The following FKBP9 variants were observed in gnomAD, a reference collection of about 807,000 sequenced individuals.
The protein encoded by FKBP9 is FKBP prolyl isomerase 9.
In FKBP9, 27 loss-of-function variants were observed where a neutral mutation model predicts 55.6. That is an observed-to-expected ratio of 0.49 (90% CI 0.36 to 0.67). FKBP9 has a LOEUF of 0.67. Among genes scored for constraint, FKBP9 ranks in the 30% least tolerant of loss-of-function variants. The pLI, the probability that FKBP9 is intolerant of heterozygous loss-of-function variation, is 0.00. For synonymous variants in FKBP9, 267 were observed against 296.5 expected, an observed-to-expected ratio of 0.90 and a Z score of 1.02; for missense variants, 539 against 742.8, an observed-to-expected ratio of 0.73 and a Z score of 3.19.
At chr7:32,958,687 C>T (rs1277726438) in intron 1 of FKBP9, among the ~76,000 whole-genome samples, 1 of 152,210 alleles carries the variant, frequency 6.6e-6, no homozygotes, top group Non-Finnish European at 1.5e-5. Flanking sequence ...CGACACCTCT[C>T]GTGGGCAGGA....
At chr7:32,980,718 C>T (rs1013297963) in intron 5 of FKBP9, among the ~76,000 whole-genome samples, 165 bp downstream of exon 5, 3 of 151,428 alleles carry the variant, frequency 2.0e-5, no homozygotes, top group African/African-American at 7.3e-5. Context: ...TCCTCCCTTC[C>T]TTCCTTCCTT....
intron 8 of FKBP9, 109 bp from the exon 9 acceptor site, chr7:33,002,567 A>G: frequency 2.7e-6 from 4 of 1,495,444 alleles, no homozygotes; most frequent in Non-Finnish European, 3.6e-6. Context: ...TGCTTTGGTC[A>G]GAAGTCCCAC....
At chr7:32,988,869 C>A in intron 6 of FKBP9, 1 of 512,208 alleles carries the variant, frequency 2.0e-6, no homozygotes, top group Non-Finnish European at 3.5e-6. Flanking sequence ...GCTGGCACTA[C>A]AGGCACGCAC....
intron 1 of FKBP9, among the ~76,000 whole-genome samples, chr7:32,962,632 C>T (rs1397133931): frequency 6.6e-6 from 1 of 151,754 alleles, no homozygotes; most frequent in East Asian, 2.0e-4. Context: ...CAACACCACA[C>T]CTGGCTAATT....
intron 5 of FKBP9, among the ~76,000 whole-genome samples, chr7:32,985,265 C>T (rs13309856): frequency 6.6e-6 from 1 of 151,434 alleles, no homozygotes; most frequent in African/African-American, 2.4e-5. Context: ...AACCTCTGCC[C>T]TCCAGGTTCA....
At chr7:32,989,328 A>G (rs1419284535) in intron 6 of FKBP9, among the ~76,000 whole-genome samples, 2 of 152,228 alleles carry the variant, frequency 1.3e-5, no homozygotes, top group Middle Eastern at 3.2e-3. Flanking sequence ...TAAAAGTTAC[A>G]CAAATCATAC....
At chr7:33,003,684 C>T (rs2953610) in intron 9 of FKBP9, among the ~76,000 whole-genome samples, 9 of 152,190 alleles carry the variant, frequency 5.9e-5, no homozygotes, top group East Asian at 1.9e-4. Context: ...CCCTACAGGA[C>T]GCATCTTTCT....
intron 7 of FKBP9, among the ~76,000 whole-genome samples, chr7:32,996,826 C>T (rs1476843275): frequency 1.9e-5 from 2 of 102,600 alleles, no homozygotes; most frequent in Admixed American, 3.3e-4. Flanking sequence ...CTCGCTCTGT[C>T]GCCCAGGCCG....
intron 1 of FKBP9, among the ~76,000 whole-genome samples, chr7:32,971,531 A>T (rs1784254173): frequency 6.6e-6 from 1 of 151,520 alleles, no homozygotes; most frequent in South Asian, 2.1e-4. Flanking sequence ...CCCAGGATGG[A>T]GTGCCAGGGT....
At chr7:32,995,838 T>C (rs1461657920) in intron 6 of FKBP9, among the ~76,000 whole-genome samples, 3 of 152,198 alleles carry the variant, frequency 2.0e-5, no homozygotes. Flanking sequence ...TCCTCATCTG[T>C]GATCAACTTA....
chr7:32,997,441 TC>T (rs1398815596), intron 7 of FKBP9, among the ~76,000 whole-genome samples: 1 of 152,070 alleles, frequency 6.6e-6, no homozygotes, highest in Non-Finnish European at 1.5e-5. Flanking sequence ...GGTCTCGAAC[TC>T]CTGACCTCAA....
intron 6 of FKBP9, chr7:32,993,115 C>G (rs1784716558): frequency 4.3e-6 from 1 of 232,486 alleles, no homozygotes; most frequent in Non-Finnish European, 8.5e-6. Flanking sequence ...TGGAGAAGGC[C>G]CTGCACCTGA....
chr7:32,978,768 G>A (rs1159526195), intron 4 of FKBP9, among the ~76,000 whole-genome samples: 1 of 152,138 alleles, frequency 6.6e-6, no homozygotes, highest in Admixed American at 6.5e-5. Flanking sequence ...AACCAGATGT[G>A]AGCCTAATAT....
chr7:32,961,528 TACAAAA>T (rs1784024270), intron 1 of FKBP9, among the ~76,000 whole-genome samples: 1 of 152,144 alleles, frequency 6.6e-6, no homozygotes, highest in Non-Finnish European at 1.5e-5. Flanking sequence ...GATATCAATT[TACAAAA>T]ATAAATAAAT....
chr7:32,961,128 T>C (rs1055995671), intron 1 of FKBP9, among the ~76,000 whole-genome samples: 12 of 152,176 alleles, frequency 7.9e-5, no homozygotes, highest in African/African-American at 2.9e-4. Flanking sequence ...AGAGAAGGTT[T>C]AACTATATAT....
intron 5 of FKBP9, among the ~76,000 whole-genome samples, chr7:32,987,839 C>T (rs1200470844): frequency 6.6e-6 from 1 of 152,102 alleles, no homozygotes; most frequent in African/African-American, 2.4e-5. Context: ...TGCCATGTTG[C>T]CCAGGCTGGT....
chr7:32,977,247 A>G (rs922081900), intron 4 of FKBP9, among the ~76,000 whole-genome samples: 83 of 152,366 alleles, frequency 5.4e-4, no homozygotes, highest in Admixed American at 1.3e-3. Context: ...CACAACATAG[A>G]GACCGGTAGA....
In FKBP9 at chr7:32,988,525, G is replaced by A. The variant is rs754673415; in HGVS notation, c.912G>A (p.Thr304=). ...TTTCTAGCTACTCTCGGAACCGCAC[G>A]TTTGACACGTACATTGGGCAGGGCT... The part of the protein sequence containing the change: ...LFDSSYSRNR[T]FDTYIGQGYV... Residue 304 remains threonine (T), a synonymous_variant, in exon 6 of 10, where the codon ACG becomes ACA. Coordinates refer to ENST00000242209, the MANE Select transcript of FKBP9 (RefSeq NM_007270.5). 49 of 1,613,782 alleles carry A rather than the reference G, an allele frequency of 3.0e-5. No individual in the cohort carries two copies. Among genetic ancestry groups the A allele is most frequent in the Non-Finnish European group, 4.0e-5 (47 of 1,179,856 alleles).
chr7:33,004,218 C>T (rs903294410), intron 9 of FKBP9, among the ~76,000 whole-genome samples: 5 of 152,112 alleles, frequency 3.3e-5, no homozygotes, highest in African/African-American at 7.2e-5. Flanking sequence ...ATCTCTTTCC[C>T]GGGTCACACA....
Sources: gnomAD v4.1 joint callset for allele counts (sites outside exome capture counted in the v4.1 genomes callset) on GRCh38, gnomAD v4.1.1 for gene constraint, MANE v1.5 for transcripts, NCBI Gene and HGNC (gene_info 2026-07-23, HGNC 2026-07-21) for gene names.